The following EP300 variants were observed in gnomAD, a reference collection of about 807,000 sequenced individuals.
EP300 encodes histone acetyltransferase p300.
EP300 carries 31 observed loss-of-function variants against 264.0 expected under a neutral mutation model. That is an observed-to-expected ratio of 0.12 (90% CI 0.09 to 0.16). The LOEUF (loss-of-function observed/expected upper bound fraction) is 0.16, where lower values mean the gene tolerates loss of function less well. EP300 is among the 10% of genes least tolerant of loss of function. The probability of loss-of-function intolerance (pLI) is 1.00; values close to 1 mark genes in which losing one functional copy is unlikely to be tolerated. For synonymous variants in EP300, 1,340 were observed against 1,045.4 expected (o/e 1.28, Z -5.44); for missense variants, 2,766 against 3,052.9 (o/e 0.91, Z 2.21).
intron 17 of EP300, among the ~76,000 whole-genome samples, chr22:41,156,775 C>T (rs191891398): frequency 4.7e-4 from 71 of 152,066 alleles, no homozygotes; most frequent in African/African-American, 1.7e-3. Flanking sequence ...GACTTTTCCT[C>T]TCTTGTATCT....
At position 41,150,160 on chromosome 22, in the gene EP300, C is replaced by G; in HGVS notation, c.2779C>G (p.Pro927Ala). The change falls in exon 14 of 31, where the codon CCA (proline) becomes GCA (alanine). Residue 927 changes from proline to alanine, a missense_variant. Transcript: ENST00000263253. ...QQSTAASVPT[P>A]TAPLLPPQPA... ...GAGCACAGCAGCGTCTGTTCCTACC[C>G]CAACAGCACCGCTGCTTCCTCCGCA... 1.2e-6 allele frequency: 2 copies of G among 1,611,186 alleles called. No individual in the cohort carries two copies. Among genetic ancestry groups the G allele is most frequent in the Non-Finnish European group, 1.7e-6 (2 of 1,179,780 alleles).
chr22:41,161,479 T>A (rs2059108085), intron 20 of EP300, among the ~76,000 whole-genome samples: 1 of 152,058 alleles, frequency 6.6e-6, no homozygotes, highest in South Asian at 2.1e-4. Context: ...TAGCCGGGCA[T>A]GGTGGTGGGC....
intron 21 of EP300, among the ~76,000 whole-genome samples, chr22:41,163,709 T>C (rs535440829): frequency 1.3e-5 from 2 of 152,120 alleles, no homozygotes; most frequent in East Asian, 3.9e-4. Context: ...ATGACGCCAC[T>C]GCACTCCAGC....
rs767335677 is a variant in EP300 at position 41,178,424 on chromosome 22, A to G, written c.6713A>G (p.Asn2238Ser). 6.2e-7 allele frequency: 1 copy of G among 1,614,146 alleles called. No individual in the cohort carries two copies. The highest frequency in any genetic ancestry group is 2.2e-5 in the East Asian group (1 of 44,878). The change falls in exon 31 of 31, where the codon AAT (asparagine) becomes AGT (serine). Residue 2238 changes from asparagine to serine, a missense_variant. By Grantham distance (46) the Asn-to-Ser change is conservative. Coordinates refer to ENST00000263253, the MANE Select transcript of EP300 (RefSeq NM_001429.4). ...CACATGCAACAGATGCAACAAGGAA[A>G]TATGGGACAGATAGGCCAGCTTCCC... ...QHHMQQMQQGNMGQIGQLPQA... is the reference protein window; with the variant it reads ...QHHMQQMQQGSMGQIGQLPQA...
In EP300 at chr22:41,177,321, G is replaced by C. The variant is rs2145516720; in HGVS notation, c.5610G>C (p.Gln1870His). Residue 1870 changes from glutamine to histidine, a missense_variant, in exon 31 of 31, where the codon CAG (glutamine) becomes CAC (histidine). Coordinates refer to ENST00000263253, the MANE Select transcript of EP300 (RefSeq NM_001429.4). The stretch of plus-strand genomic sequence containing the variant: ...AGCCAACCACCCCGCAGACGCCCCA[G>C]CCCACTTCTCAGCCTCAGCCTACCC... ...GQQPTTPQTP[Q>H]PTSQPQPTPP... 2 of 1,613,904 alleles carry C rather than the reference G, an allele frequency of 1.2e-6. No individual in the cohort carries two copies. Among genetic ancestry groups the C allele is most frequent in the Non-Finnish European group, 1.7e-6 (2 of 1,179,988 alleles).
chr22:41,116,519 T>TC (rs1444515499), intron 1 of EP300, among the ~76,000 whole-genome samples: 1 of 152,188 alleles, frequency 6.6e-6, no homozygotes. Flanking sequence ...TTCATCCTTG[T>TC]CCCTGCAAAG....
At position 41,160,972 on chromosome 22, in the gene EP300, G is replaced by GT. The variant is rs35715259; in HGVS notation, c.3671+251dup. Among the ~76,000 whole-genome samples the GT allele has an allele frequency of 0.077, 11,700 of 152,276 alleles. 567 individuals carry two copies. The highest frequency in any genetic ancestry group is 0.17 in the East Asian group (880 of 5,180). On this transcript the variant is annotated intron_variant, in intron 20 of 30. Coordinates refer to ENST00000263253, the MANE Select transcript of EP300 (RefSeq NM_001429.4). ...CAACACAGAGAACATATCCATCATA[G>GT]TAGAAAGCTCTTTGAGACATCAATG... is the stretch of plus-strand genomic sequence containing the variant.
In EP300 at chr22:41,149,148, G is replaced by A. The variant is rs140684440; in HGVS notation, c.2352G>A (p.Pro784=). ...GMNVTNIPLA[P]SSGQAPVSQA... is the part of the protein sequence containing the mutation. ...ATGTAACAAATATCCCTTTGGCTCC[G>A]TCCAGCGGTCAAGCTCCAGTGTCTC... The change falls in exon 13 of 31, where the codon CCG becomes CCA. Residue 784 remains proline, a synonymous_variant. Coordinates refer to ENST00000263253, the MANE Select transcript of EP300 (RefSeq NM_001429.4). 179 of 1,613,574 alleles carry A rather than the reference G, an allele frequency of 1.1e-4. No individual in the cohort carries two copies. The highest frequency in any genetic ancestry group is 4.9e-4 in the Middle Eastern group (3 of 6,084).
intron 16 of EP300, among the ~76,000 whole-genome samples, chr22:41,153,273 C>T (rs2059057554): frequency 6.6e-6 from 1 of 152,080 alleles, no homozygotes; most frequent in Admixed American, 6.5e-5. Context: ...CAAAAGGCAC[C>T]AGGTAGGACA....
In EP300 at chr22:41,122,475, T is replaced by C. The variant is rs539299198; in HGVS notation, c.730-3389T>C. On this transcript the variant is annotated intron_variant, in intron 2 of 30. Transcript: ENST00000263253. ...GCCACCGTGCCCGACCAAGAAATTA[T>C]CTTCTCTGAATGCTTCTCATTTCAG... Among the ~76,000 whole-genome samples the C allele has an allele frequency of 4.7e-4, 71 of 152,260 alleles. 1 individual carries two copies. Among genetic ancestry groups the C allele is most frequent in the African/African-American group, 1.6e-3 (67 of 41,562 alleles).
At chr22:41,140,368 G>T in intron 9 of EP300, 111 bp downstream of exon 9, 1 of 812,272 alleles carries the variant, frequency 1.2e-6, no homozygotes, top group Admixed American at 1.7e-5. Flanking sequence ...GGGACACGCT[G>T]TAGCTATCCC....
At chr22:41,117,887 G>T in intron 2 of EP300, 66 bp downstream of exon 2, 1 of 1,608,402 alleles carries the variant, frequency 6.2e-7, no homozygotes, top group South Asian at 1.1e-5. Context: ...ATGGATGGAG[G>T]GTTTGCCTTA....
chr22:41,146,673 GC>G (rs2059012121), intron 10 of EP300, 65 bp from the exon 11 acceptor site: 3 of 1,345,074 alleles, frequency 2.2e-6, no homozygotes, highest in Non-Finnish European at 3.2e-6. Context: ...GTTTGTGTGT[GC>G]AGTGAGTTTT....
chr22:41,117,501 G>A lies in EP300; in HGVS notation c.409G>A (p.Gly137Arg). ...GGCAGGCTTGACTTCTCCCAACATG[G>A]GGATGGGCACTAGTGGACCAAATCA... ...TQAGLTSPNM[G>R]MGTSGPNQGP... Residue 137 changes from glycine to arginine, a missense_variant, in exon 2 of 31, where the codon GGG becomes AGG. Gly to Arg is a moderately radical substitution (Grantham distance 125). Coordinates refer to ENST00000263253, the MANE Select transcript of EP300 (RefSeq NM_001429.4). The A allele has an allele frequency of 6.2e-7, 1 of 1,613,616 alleles. No individual in the cohort carries two copies. Among genetic ancestry groups the A allele is most frequent in the Non-Finnish European group, 8.5e-7 (1 of 1,179,528 alleles).
intron 1 of EP300, 84 bp from the exon 2 acceptor site, chr22:41,117,103 T>C: frequency 8.5e-7 from 1 of 1,172,678 alleles, no homozygotes; most frequent in Non-Finnish European, 1.3e-6. Context: ...AAATGACATT[T>C]AATGCTTATT....
intron 6 of EP300, among the ~76,000 whole-genome samples, chr22:41,134,450 T>C (rs1161763149): frequency 6.6e-6 from 1 of 152,056 alleles, no homozygotes; most frequent in Admixed American, 6.6e-5. Context: ...CAGGCTGGAG[T>C]GCAGTAGTGC....
intron 22 of EP300, among the ~76,000 whole-genome samples, chr22:41,164,838 T>C (rs2145757251): frequency 6.6e-6 from 1 of 152,278 alleles, no homozygotes; most frequent in African/African-American, 2.4e-5. Flanking sequence ...GTTATAAGGC[T>C]GCAGTCATAG....
In EP300 at chr22:41,170,371, C is replaced by G. The variant is rs777837901; in HGVS notation, c.4287-35C>G. 3 of 1,599,700 alleles carry G rather than the reference C, an allele frequency of 1.9e-6. No homozygotes were observed. In the African/African-American group the frequency reaches 4.0e-5, roughly 21 times the overall value. On this transcript the variant is annotated intron_variant, in intron 26 of 30. Coordinates refer to ENST00000263253, the MANE Select transcript of EP300 (RefSeq NM_001429.4). ...TGTAGCCTTCTAGAATAGATTATCT[C>G]TTTTCCTTAATGTTCTTTCTCTTTG...
intron 12 of EP300, 25 bp downstream of exon 12, chr22:41,147,971 T>C (rs754413343): frequency 6.6e-7 from 1 of 1,517,454 alleles, no homozygotes; most frequent in East Asian, 2.3e-5. Context: ...TTTGGTAATC[T>C]CTTTGGCCTT....
Sources: allele counts gnomAD v4.1 joint callset (sites outside exome capture counted in the v4.1 genomes callset), GRCh38; gene constraint gnomAD v4.1.1; transcripts MANE v1.5; gene names NCBI Gene and HGNC (gene_info 2026-07-23, HGNC 2026-07-21).